Variants in ACACA observed in about 807,000 individuals in gnomAD.
ACACA encodes acetyl-CoA carboxylase alpha, also known as acetyl-CoA carboxylase 1.
A neutral mutation model predicts 296.1 loss-of-function variants in ACACA; 103 were observed. That is an observed-to-expected ratio of 0.35 (90% CI 0.30 to 0.41). The LOEUF (loss-of-function observed/expected upper bound fraction) is 0.41. Ranked by LOEUF, ACACA falls within the 10% of genes least tolerant of loss-of-function variation. The pLI is 1.00. For synonymous variants in ACACA, 953 were observed against 1,038.6 expected, an observed-to-expected ratio of 0.92 and a Z score of 1.58; for missense variants, 1,554 against 2,989.7, an observed-to-expected ratio of 0.52 and a Z score of 11.20.
chr17:37,284,768 G>T, intron 4 of ACACA, 70 bp downstream of exon 4: 1 of 1,605,198 alleles, frequency 6.2e-7, no homozygotes, highest in South Asian at 1.1e-5. Context: ...AGCAAATCTA[G>T]ACAACAAATC....
chr17:37,386,841 G>C (rs1304888789), intron 1 of ACACA: 1 of 149,470 alleles, frequency 6.7e-6, no homozygotes, highest in African/African-American at 2.5e-5. Context: ...TTTTTTTTGA[G>C]ACAGGGTCTT....
At chr17:37,383,329 C>T (rs1179871214) in intron 1 of ACACA, among the ~76,000 whole-genome samples, 1 of 152,120 alleles carries the variant, frequency 6.6e-6, no homozygotes, top group Admixed American at 6.6e-5. Flanking sequence ...TCAACCTGAC[C>T]TAATTCAAAA....
At chr17:37,364,678 G>T (rs936466569) in intron 1 of ACACA, among the ~76,000 whole-genome samples, 1 of 151,842 alleles carries the variant, frequency 6.6e-6, no homozygotes, top group South Asian at 2.1e-4. Flanking sequence ...ATCCAAATTC[G>T]TAGATAACAA....
chr17:37,124,016 T>C (rs1228907317), intron 48 of ACACA, among the ~76,000 whole-genome samples: 1 of 152,226 alleles, frequency 6.6e-6, no homozygotes, highest in Non-Finnish European at 1.5e-5. Flanking sequence ...AGTGTGTCCC[T>C]GGACAAGGTG....
intron 48 of ACACA, among the ~76,000 whole-genome samples, chr17:37,123,861 C>T (rs1339319481): frequency 6.6e-6 from 1 of 152,126 alleles, no homozygotes; most frequent in Non-Finnish European, 1.5e-5. Context: ...TATTAGGGCC[C>T]ATGTGACCTA....
At chr17:37,089,817 T>C (rs2072489140) in intron 54 of ACACA, among the ~76,000 whole-genome samples, 1 of 152,240 alleles carries the variant, frequency 6.6e-6, no homozygotes, top group South Asian at 2.1e-4. Context: ...AGGAGTGTGT[T>C]AGAAGCCTAA....
intron 54 of ACACA, among the ~76,000 whole-genome samples, chr17:37,095,917 G>C (rs1449741069): frequency 6.6e-6 from 1 of 151,946 alleles, no homozygotes; most frequent in Admixed American, 6.6e-5. Flanking sequence ...CTTGAGACCC[G>C]CCCCATCCCC....
At chr17:37,287,338 G>A (rs2082823109) in intron 3 of ACACA, among the ~76,000 whole-genome samples, 1 of 152,042 alleles carries the variant, frequency 6.6e-6, no homozygotes, top group African/African-American at 2.4e-5. Context: ...TTCTCTGAGT[G>A]TCTCTATGCA....
intron 48 of ACACA, among the ~76,000 whole-genome samples, chr17:37,123,115 T>C (rs2074605327): frequency 6.6e-6 from 1 of 152,168 alleles, no homozygotes; most frequent in Admixed American, 6.5e-5. Context: ...ATAATGTGGT[T>C]CCAGATAAGA....
chr17:37,327,718 T>C (rs928918217), intron 3 of ACACA, among the ~76,000 whole-genome samples: 1 of 152,212 alleles, frequency 6.6e-6, no homozygotes, highest in Non-Finnish European at 1.5e-5. Flanking sequence ...ACTGGACAGA[T>C]TTCTCAAGGT....
At chr17:37,263,951 T>C (rs2081630303) in intron 10 of ACACA, 57 bp from the exon 11 acceptor site, 9 of 1,423,580 alleles carry the variant, frequency 6.3e-6, no homozygotes, top group Non-Finnish European at 8.8e-6. Context: ...ACTTTTTATC[T>C]ATCTTGATAA....
intron 28 of ACACA, among the ~76,000 whole-genome samples, chr17:37,222,884 G>A (rs1381555076): frequency 6.6e-6 from 1 of 152,186 alleles, no homozygotes; most frequent in Non-Finnish European, 1.5e-5. Flanking sequence ...TGCTGTAGCG[G>A]AAACAGAAGT....
intron 14 of ACACA, among the ~76,000 whole-genome samples, chr17:37,256,882 C>T (rs920401876): frequency 6.6e-6 from 1 of 152,050 alleles, no homozygotes; most frequent in African/African-American, 2.4e-5. Flanking sequence ...TAATTACCTA[C>T]TCCATGTACA....
chr17:37,266,087 T>C (rs2081755568), intron 10 of ACACA, among the ~76,000 whole-genome samples: 1 of 152,178 alleles, frequency 6.6e-6, no homozygotes, highest in South Asian at 2.1e-4. Flanking sequence ...CTCTATACTT[T>C]GGGCACGTCA....
chr17:37,206,973 T>A, intron 31 of ACACA, 94 bp from the exon 32 acceptor site: 1 of 1,139,148 alleles, frequency 8.8e-7, no homozygotes, highest in South Asian at 1.3e-5. Flanking sequence ...ATAATCTATC[T>A]TAGCCTGGGC....
chr17:37,122,174 T>G (rs1241691738), intron 49 of ACACA, among the ~76,000 whole-genome samples: 1 of 152,154 alleles, frequency 6.6e-6, no homozygotes. Flanking sequence ...TAGGGCAGAC[T>G]TCACCGTTAA....
At position 37,198,922 on chromosome 17, in the gene ACACA, A is replaced by G. The variant is rs576432972; in HGVS notation, c.4158+1217T>C. 1.0e-3 allele frequency among the ~76,000 whole-genome samples: 154 copies of G among 152,340 alleles called. 1 individual carries two copies. The highest frequency in any genetic ancestry group is 3.1e-3 in the African/African-American group (128 of 41,588). ...TGTTGCAAACAAGCAAGGCTTAACA[A>G]CCAAATTATCTTAATTGCTAAAACC... is the stretch of plus-strand genomic sequence containing the variant. On this transcript the variant is annotated intron_variant, in intron 35 of 55. Transcript: ENST00000616317.
chr17:37,121,916 C>T (rs141588361), intron 49 of ACACA, among the ~76,000 whole-genome samples: 306 of 152,298 alleles, frequency 2.0e-3, no homozygotes, highest in African/African-American at 7.0e-3. Context: ...GCTGAATAGC[C>T]TCCTCCCTGG....
At chr17:37,353,237 T>G (rs1204500566) in intron 1 of ACACA, among the ~76,000 whole-genome samples, 1 of 152,064 alleles carries the variant, frequency 6.6e-6, no homozygotes. Flanking sequence ...CTGATATTAC[T>G]CCTAATAAAC....
Sources: allele counts gnomAD v4.1 joint callset (sites outside exome capture counted in the v4.1 genomes callset), GRCh38; gene constraint gnomAD v4.1.1; transcripts MANE v1.5; gene names NCBI Gene and HGNC (gene_info 2026-07-23, HGNC 2026-07-21).